The following PBX1 variants were observed in gnomAD, a reference collection of about 807,000 sequenced individuals.
PBX1 encodes pre-B-cell leukemia transcription factor 1.
Under a neutral mutation model 53.4 loss-of-function variants are expected in PBX1, and 6 were observed. The ratio of observed to expected loss-of-function variants is 0.11; its 90% CI spans 0.06 to 0.22. PBX1 has a LOEUF of 0.22. PBX1 is among the 10% of genes least tolerant of loss of function. The pLI, the probability that PBX1 is intolerant of heterozygous loss-of-function variation, is 1.00. For synonymous variants in PBX1, 204 were observed against 212.3 expected (o/e 0.96, Z 0.34); for missense variants, 251 against 551.4 (o/e 0.46, Z 5.46).
intron 2 of PBX1, among the ~76,000 whole-genome samples, chr1:164,722,917 A>T (rs1046909965): frequency 9.2e-5 from 14 of 151,954 alleles, no homozygotes; most frequent in African/African-American, 3.4e-4. Flanking sequence ...ATTTTTTAGT[A>T]CTCCCTGTTA....
chr1:164,740,676 A>G (rs2102165095), intron 2 of PBX1, among the ~76,000 whole-genome samples: 1 of 152,330 alleles, frequency 6.6e-6, no homozygotes, highest in Admixed American at 6.5e-5. Context: ...TTAATTCACA[A>G]AATATTGAAT....
intron 5 of PBX1, among the ~76,000 whole-genome samples, chr1:164,810,405 A>T (rs1669548504): frequency 6.6e-6 from 1 of 152,180 alleles, no homozygotes; most frequent in African/African-American, 2.4e-5. Flanking sequence ...GCACCTTCCT[A>T]CCAGTTCCAT....
intron 2 of PBX1, among the ~76,000 whole-genome samples, chr1:164,729,333 T>C (rs367574764): frequency 6.6e-6 from 1 of 152,224 alleles, no homozygotes; most frequent in African/African-American, 2.4e-5. Flanking sequence ...CTTACTGAAT[T>C]ACCTTCTGCT....
At chr1:164,691,407 C>G (rs1662477873) in intron 2 of PBX1, among the ~76,000 whole-genome samples, 1 of 152,170 alleles carries the variant, frequency 6.6e-6, no homozygotes, top group Non-Finnish European at 1.5e-5. Context: ...CACTAGAGTA[C>G]TGTGGGCATA....
chr1:164,790,650 G>A (rs192980697), intron 2 of PBX1, among the ~76,000 whole-genome samples: 1 of 152,164 alleles, frequency 6.6e-6, no homozygotes, highest in Non-Finnish European at 1.5e-5. Flanking sequence ...CACATGGCTC[G>A]CCATTCCATT....
rs1279657370 is a variant in PBX1, at chr1:164,812,037, A to T, written c.885A>T (p.Ile295=). 5.0e-6 allele frequency: 8 copies of T among 1,613,874 alleles called. No individual in the cohort carries two copies. Among genetic ancestry groups the T allele is most frequent in the Non-Finnish European group, 6.8e-6 (8 of 1,179,836 alleles). The part of the protein sequence containing the change: ...GNKRIRYKKN[I]GKFQEEANIY... Reference sequence around the variant, plus strand: ...AGCGAATCCGGTACAAGAAGAACATAGGTAAATTTCAAGAGGAAGCCAATA... The same window carrying T: ...AGCGAATCCGGTACAAGAAGAACATTGGTAAATTTCAAGAGGAAGCCAATA... The change falls in exon 6 of 9, where the codon ATA becomes ATT. Residue 295 remains isoleucine, a synonymous_variant. Coordinates refer to ENST00000420696, the MANE Select transcript of PBX1 (RefSeq NM_002585.4).
rs537380643 is a variant in PBX1, at chr1:164,746,680, T to C, written c.266-45814T>C. Reference sequence around the variant, plus strand: ...GCCTCAGCCTCCCAAAGTGCTGGGATTACAGCCATGAGCCACCACGCCTGG... The same window carrying C: ...GCCTCAGCCTCCCAAAGTGCTGGGACTACAGCCATGAGCCACCACGCCTGG... On this transcript the variant is annotated intron_variant, in intron 2 of 8. Coordinates refer to ENST00000420696, the MANE Select transcript of PBX1 (RefSeq NM_002585.4). 3.3e-5 allele frequency among the ~76,000 whole-genome samples: 5 copies of C among 152,362 alleles called. No homozygotes were observed. In the South Asian group the frequency reaches 8.3e-4, roughly 25 times the overall value.
At chr1:164,681,822 C>G (rs1245840394) in intron 2 of PBX1, among the ~76,000 whole-genome samples, 2 of 142,870 alleles carry the variant, frequency 1.4e-5, no homozygotes, top group Non-Finnish European at 3.2e-5. Context: ...ACCCCTGAAC[C>G]TAAAACAAAA....
chr1:164,821,482 C>T, intron 7 of PBX1, 55 bp from the exon 8 acceptor site: 2 of 1,348,280 alleles, frequency 1.5e-6, no homozygotes, highest in East Asian at 2.3e-5. Flanking sequence ...GATCTGCCTC[C>T]CTTTTCCTAC....
At chr1:164,823,427 C>T (rs1670263298) in intron 8 of PBX1, among the ~76,000 whole-genome samples, 1 of 152,122 alleles carries the variant, frequency 6.6e-6, no homozygotes, top group African/African-American at 2.4e-5. Context: ...TTGCTCTGTG[C>T]ATAAGCAGAA....
intron 2 of PBX1, among the ~76,000 whole-genome samples, chr1:164,872,927 G>A (rs1672417010): frequency 6.6e-6 from 1 of 152,232 alleles, no homozygotes; most frequent in Admixed American, 6.5e-5. Flanking sequence ...CGCAGACAAT[G>A]TGTTTAACAT....
intron 2 of PBX1, among the ~76,000 whole-genome samples, chr1:164,713,948 C>T (rs1663940882): frequency 6.6e-6 from 1 of 152,152 alleles, no homozygotes; most frequent in Non-Finnish European, 1.5e-5. Flanking sequence ...TTTAGATCGT[C>T]ACATATATGA....
At chr1:164,646,744 A>G (rs1413805130) in intron 2 of PBX1, among the ~76,000 whole-genome samples, 1 of 152,202 alleles carries the variant, frequency 6.6e-6, no homozygotes, top group African/African-American at 2.4e-5. Flanking sequence ...TAGATTGAGC[A>G]GGTCCAACTA....
chr1:164,723,942 A>G (rs1367896861), intron 2 of PBX1, among the ~76,000 whole-genome samples: 1 of 152,190 alleles, frequency 6.6e-6, no homozygotes. Context: ...TGTTTACTGA[A>G]CTCAGCTTCT....
At chr1:164,772,366 C>G (rs1184766670) in intron 2 of PBX1, among the ~76,000 whole-genome samples, 1 of 152,178 alleles carries the variant, frequency 6.6e-6, no homozygotes, top group Non-Finnish European at 1.5e-5. Flanking sequence ...TGACAAGCCA[C>G]TCTAAAAGTG....
intron 2 of PBX1, among the ~76,000 whole-genome samples, chr1:164,710,894 C>T (rs1663726452): frequency 2.0e-5 from 3 of 152,250 alleles, no homozygotes; most frequent in East Asian, 1.9e-4. Context: ...CAAGGCAGGG[C>T]GTGATGGCTT....
chr1:164,780,125 G>C lies in PBX1; in HGVS notation c.266-12369G>C, dbSNP rs559474697. 2.6e-5 allele frequency among the ~76,000 whole-genome samples: 4 copies of C among 152,174 alleles called. No individual in the cohort carries two copies. The South Asian group carries it at 6.2e-4, about 24-fold the overall frequency. On this transcript the variant is annotated intron_variant, in intron 2 of 8. Coordinates refer to ENST00000420696, the MANE Select transcript of PBX1 (RefSeq NM_002585.4). ...CGCCTCCGATGTGAGAGTTCTTAGTGGGGGGCTCCATCTCCAGTGCACAGA... is the reference window on the plus strand; with the variant it reads ...CGCCTCCGATGTGAGAGTTCTTAGTCGGGGGCTCCATCTCCAGTGCACAGA...
intron 2 of PBX1, among the ~76,000 whole-genome samples, chr1:164,731,518 C>A (rs529490903): frequency 1.3e-5 from 2 of 152,218 alleles, no homozygotes; most frequent in South Asian, 4.1e-4. Context: ...AAGCAGGGAC[C>A]AAGAGGTCCA....
chr1:164,603,858 CAG>C (rs376313125), intron 2 of PBX1, among the ~76,000 whole-genome samples: 262 of 142,952 alleles, frequency 1.8e-3, no homozygotes, highest in African/African-American at 6.6e-3. Context: ...GAAATAATAA[CAG>C]ATAATAATTT....
Sources: allele counts gnomAD v4.1 joint callset (sites outside exome capture counted in the v4.1 genomes callset), GRCh38; gene constraint gnomAD v4.1.1; transcripts MANE v1.5; gene names NCBI Gene and HGNC (gene_info 2026-07-23, HGNC 2026-07-21).